Variants in XYLT1 observed in about 807,000 individuals in gnomAD.
XYLT1 encodes the protein xylosyltransferase 1, also known as beta-D-xylosyltransferase 1.
XYLT1 carries 36 observed loss-of-function variants against 91.3 expected under a neutral mutation model. The ratio of observed to expected loss-of-function variants is 0.39; its 90% CI spans 0.30 to 0.52. The LOEUF (loss-of-function observed/expected upper bound fraction) is 0.52. XYLT1 is among the 20% of genes least tolerant of loss of function. The pLI is 0.68. For synonymous variants in XYLT1, 588 were observed against 532.0 expected (o/e 1.11, Z -1.45); for missense variants, 1,242 against 1,284.5 (o/e 0.97, Z 0.51).
At chr16:17,403,669 G>T (rs755146971) in intron 1 of XYLT1, among the ~76,000 whole-genome samples, 2 of 152,186 alleles carry the variant, frequency 1.3e-5, no homozygotes, top group African/African-American at 2.4e-5. Flanking sequence ...ACACGTGGGG[G>T]AATCATGGCA....
intron 3 of XYLT1, among the ~76,000 whole-genome samples, chr16:17,201,884 A>C (rs186359570): frequency 1.3e-5 from 2 of 152,234 alleles, no homozygotes; most frequent in Admixed American, 1.3e-4. Flanking sequence ...TACATTGCCA[A>C]GGGGGGATGA....
rs997862218 is a variant in XYLT1 at position 17,316,438 on chromosome 16, C to G, written c.402+41574G>C. On this transcript the variant is annotated intron_variant, in intron 2 of 11. Transcript: ENST00000261381. ...TTTTGAGACAGTCTCTCTCTGTCGC[C>G]CCGGCTGGAGTGCTGTGGTGTGATC... Among the ~76,000 whole-genome samples, 3 of 152,178 alleles carry G rather than the reference C, an allele frequency of 2.0e-5. No homozygotes were observed. The East Asian group carries it at 5.8e-4, about 30-fold the overall frequency.
intron 11 of XYLT1, among the ~76,000 whole-genome samples, chr16:17,114,504 T>C (rs1169796668): frequency 4.6e-5 from 7 of 152,190 alleles, no homozygotes; most frequent in African/African-American, 1.7e-4. Flanking sequence ...AATTTCCCCA[T>C]GTATTTTGCT....
intron 11 of XYLT1, among the ~76,000 whole-genome samples, chr16:17,115,095 C>T (rs113417408): frequency 0.057 from 8,629 of 152,042 alleles, 798 homozygotes; most frequent in African/African-American, 0.19. Context: ...CCACCCGCCT[C>T]GGCCTCCCAG....
rs1567284225 is a variant in XYLT1, at chr16:17,127,658, C to T, written c.2223+8G>A. On this transcript the variant is annotated splice_region_variant and intron_variant, in intron 10 of 11. Coordinates refer to ENST00000261381, the MANE Select transcript of XYLT1 (RefSeq NM_022166.4). ...TACAATGAAATGTGACAAGACCTGG[C>T]CTCTTACCTCGGAAAACTGAAGCCT... 5 of 1,612,252 alleles carry T rather than the reference C, an allele frequency of 3.1e-6. No homozygotes were observed. Among genetic ancestry groups the T allele is most frequent in the Non-Finnish European group, 2.5e-6 (3 of 1,179,224 alleles).
intron 7 of XYLT1, chr16:17,138,875 C>A: frequency 5.2e-6 from 1 of 193,488 alleles, no homozygotes. Context: ...ATGCTCTGTC[C>A]AACAGACAAA....
chr16:17,462,375 G>A (rs1186281850), intron 1 of XYLT1, among the ~76,000 whole-genome samples: 1 of 152,178 alleles, frequency 6.6e-6, no homozygotes, highest in African/African-American at 2.4e-5. Flanking sequence ...AATAATGCCA[G>A]TGTCCAGGTT....
intron 1 of XYLT1, among the ~76,000 whole-genome samples, chr16:17,358,407 G>A (rs559080356): frequency 5.9e-5 from 9 of 152,212 alleles, no homozygotes; most frequent in African/African-American, 2.2e-4. Context: ...AACGTGCTGG[G>A]ATTATAAGCA....
intron 2 of XYLT1, among the ~76,000 whole-genome samples, chr16:17,315,933 C>G (rs73531408): frequency 1.3e-5 from 2 of 152,096 alleles, no homozygotes; most frequent in African/African-American, 2.4e-5. Flanking sequence ...AAAGGGCCAA[C>G]GAGAACATGA....
chr16:17,198,186 T>G, intron 5 of XYLT1, 26 bp downstream of exon 5: 1 of 1,613,446 alleles, frequency 6.2e-7, no homozygotes, highest in Non-Finnish European at 8.5e-7. Context: ...CAGACAAGAC[T>G]GGCTTGGGGC....
At chr16:17,194,343 T>C (rs183798261) in intron 5 of XYLT1, 1 of 152,386 alleles carries the variant, frequency 6.6e-6, no homozygotes, top group East Asian at 1.9e-4. Flanking sequence ...CTGGACTCTT[T>C]AGGGGAGGTG....
At chr16:17,299,453 A>G (rs1453336685) in intron 2 of XYLT1, among the ~76,000 whole-genome samples, 1 of 152,168 alleles carries the variant, frequency 6.6e-6, no homozygotes, top group Non-Finnish European at 1.5e-5. Flanking sequence ...TCCAGAACAA[A>G]CTATTGCCAA....
intron 11 of XYLT1, among the ~76,000 whole-genome samples, chr16:17,109,863 G>GT (rs1195752845): frequency 5.3e-5 from 8 of 152,194 alleles, no homozygotes; most frequent in Non-Finnish European, 7.3e-5. Context: ...TGTACTCTGC[G>GT]TAAGTTGGAT....
intron 2 of XYLT1, among the ~76,000 whole-genome samples, chr16:17,330,926 A>T (rs559970129): frequency 6.6e-6 from 1 of 152,290 alleles, no homozygotes; most frequent in African/African-American, 2.4e-5. Context: ...GCTGCCCTTG[A>T]ATTGCTGAGA....
chr16:17,339,212 G>C (rs1408434832), intron 2 of XYLT1, among the ~76,000 whole-genome samples: 3 of 152,040 alleles, frequency 2.0e-5, no homozygotes, highest in African/African-American at 7.2e-5. Context: ...GAGAATTCTG[G>C]GGGTCTTCGA....
At chr16:17,361,021 C>T (rs2035374646) in intron 1 of XYLT1, among the ~76,000 whole-genome samples, 1 of 152,208 alleles carries the variant, frequency 6.6e-6, no homozygotes, top group Non-Finnish European at 1.5e-5. Context: ...ATTGGTGGCC[C>T]TCATTCGTCA....
At chr16:17,149,942 T>C (rs1031340441) in intron 6 of XYLT1, among the ~76,000 whole-genome samples, 1 of 152,212 alleles carries the variant, frequency 6.6e-6, no homozygotes, top group Non-Finnish European at 1.5e-5. Flanking sequence ...GCTTTATGTT[T>C]TTTTCCTTTA....
chr16:17,263,444 T>C (rs2033753578), intron 2 of XYLT1, among the ~76,000 whole-genome samples: 1 of 152,124 alleles, frequency 6.6e-6, no homozygotes, highest in Non-Finnish European at 1.5e-5. Flanking sequence ...GATTAGCTTG[T>C]GGTGGCCCTG....
At chr16:17,275,038 G>A (rs766971473) in intron 2 of XYLT1, among the ~76,000 whole-genome samples, 2 of 152,188 alleles carry the variant, frequency 1.3e-5, no homozygotes, top group South Asian at 2.1e-4. Context: ...TTAGCTGGGC[G>A]TGGTGGTGTG....
Sources: gnomAD v4.1 joint callset for allele counts (sites outside exome capture counted in the v4.1 genomes callset) on GRCh38, gnomAD v4.1.1 for gene constraint, MANE v1.5 for transcripts, NCBI Gene and HGNC (gene_info 2026-07-23, HGNC 2026-07-21) for gene names.